Variants in ATG5 observed in about 807,000 individuals in gnomAD.
ATG5 encodes the protein autophagy related 5.
In ATG5, 14 loss-of-function variants were observed where a neutral mutation model predicts 36.5. The ratio of observed to expected loss-of-function variants is 0.38; its 90% CI spans 0.25 to 0.60. ATG5 has a LOEUF of 0.60. ATG5 is among the 20% of genes least tolerant of loss of function. The probability of loss-of-function intolerance (pLI) is 0.60; values close to 1 mark genes in which losing one functional copy is unlikely to be tolerated. For missense variants in ATG5, 195 were observed against 326.7 expected (o/e 0.60, Z 3.11); for synonymous variants, 95 against 101.5 (o/e 0.94, Z 0.38).
intron 1 of ATG5, among the ~76,000 whole-genome samples, chr6:106,317,472 G>T (rs893288414): frequency 6.6e-6 from 1 of 152,130 alleles, no homozygotes; most frequent in Non-Finnish European, 1.5e-5. Flanking sequence ...GAAAGAAAAA[G>T]TTGGAGGTCA....
intron 4 of ATG5, among the ~76,000 whole-genome samples, chr6:106,286,690 A>G (rs1303820406): frequency 6.6e-6 from 1 of 152,238 alleles, no homozygotes; most frequent in Non-Finnish European, 1.5e-5. Context: ...TCTTACTACC[A>G]GACTACCTCT....
intron 4 of ATG5, among the ~76,000 whole-genome samples, chr6:106,282,149 C>A (rs1779908045): frequency 6.6e-6 from 1 of 152,208 alleles, no homozygotes; most frequent in Non-Finnish European, 1.5e-5. Flanking sequence ...CATGTGCACA[C>A]CTCCAAAATG....
intron 1 of ATG5, among the ~76,000 whole-genome samples, chr6:106,319,857 G>C (rs1198082870): frequency 6.6e-6 from 1 of 152,166 alleles, no homozygotes; most frequent in Non-Finnish European, 1.5e-5. Flanking sequence ...ATTTGAATTT[G>C]TTGGAAAGAC....
chr6:106,199,388 T>C (rs1391485975), intron 7 of ATG5, among the ~76,000 whole-genome samples: 1 of 152,172 alleles, frequency 6.6e-6, no homozygotes, highest in Non-Finnish European at 1.5e-5. Context: ...TATTCACCAA[T>C]CAAACTATGG....
At chr6:106,302,040 C>T (rs1331535898) in intron 3 of ATG5, among the ~76,000 whole-genome samples, 2 of 151,782 alleles carry the variant, frequency 1.3e-5, no homozygotes, top group African/African-American at 4.8e-5. Flanking sequence ...TATAACATGA[C>T]AAGAATATAG....
intron 6 of ATG5, among the ~76,000 whole-genome samples, chr6:106,224,065 G>T (rs541607148): frequency 1.1e-4 from 17 of 152,338 alleles, no homozygotes; most frequent in South Asian, 6.2e-4. Context: ...CATATGTGAA[G>T]AAATCAAGGA....
chr6:106,248,089 GCTTCA>G (rs1215711683), intron 6 of ATG5, 56 bp downstream of exon 6: 1 of 1,269,450 alleles, frequency 7.9e-7, no homozygotes. Context: ...ACACTAGAGT[GCTTCA>G]ATTAAGATGT....
chr6:106,268,464 G>A (rs769485588), intron 5 of ATG5, among the ~76,000 whole-genome samples: 3 of 152,184 alleles, frequency 2.0e-5, no homozygotes, highest in Non-Finnish European at 4.4e-5. Flanking sequence ...GTGGAACAGT[G>A]TGGCAATTCC....
chr6:106,206,080 G>A (rs1374572183), intron 6 of ATG5, among the ~76,000 whole-genome samples: 2 of 152,150 alleles, frequency 1.3e-5, no homozygotes, highest in Non-Finnish European at 2.9e-5. Context: ...TCTATCATCT[G>A]AATGCGTCCC....
intron 7 of ATG5, among the ~76,000 whole-genome samples, chr6:106,198,461 A>G (rs1399042452): frequency 6.6e-6 from 1 of 152,204 alleles, no homozygotes; most frequent in African/African-American, 2.4e-5. Flanking sequence ...ACCAAAATTA[A>G]ATGCTTTTAT....
chr6:106,276,743 A>ATC (rs1779673089), intron 5 of ATG5, among the ~76,000 whole-genome samples: 1 of 151,964 alleles, frequency 6.6e-6, no homozygotes, highest in Non-Finnish European at 1.5e-5. Context: ...TGTGAAGTTA[A>ATC]CTCAAATCCT....
At chr6:106,254,598 C>T (rs1033508802) in intron 5 of ATG5, among the ~76,000 whole-genome samples, 1 of 152,178 alleles carries the variant, frequency 6.6e-6, no homozygotes, top group Non-Finnish European at 1.5e-5. Flanking sequence ...GGGTTTGTTT[C>T]CCAGCTTTGT....
At chr6:106,256,314 T>C (rs1226756078) in intron 5 of ATG5, among the ~76,000 whole-genome samples, 1 of 152,206 alleles carries the variant, frequency 6.6e-6, no homozygotes, top group Non-Finnish European at 1.5e-5. Flanking sequence ...AGATGCAGTA[T>C]GCAATGCAAC....
intron 7 of ATG5, among the ~76,000 whole-genome samples, chr6:106,191,810 G>C (rs1775975132): frequency 6.6e-6 from 1 of 152,060 alleles, no homozygotes; most frequent in Admixed American, 6.6e-5. Flanking sequence ...GTAACAAAAA[G>C]TAAAGAGCGA....
chr6:106,188,951 G>A (rs989957806), intron 7 of ATG5, among the ~76,000 whole-genome samples: 1 of 152,164 alleles, frequency 6.6e-6, no homozygotes, highest in Non-Finnish European at 1.5e-5. Context: ...ATTTTAAACA[G>A]AGGGATTCTT....
chr6:106,240,362 TATAAA>T (rs1778072114), intron 6 of ATG5, among the ~76,000 whole-genome samples: 1 of 148,248 alleles, frequency 6.7e-6, no homozygotes, highest in Admixed American at 6.7e-5. Flanking sequence ...GATATTATAA[TATAAA>T]ATATCTATAA....
intron 6 of ATG5, among the ~76,000 whole-genome samples, chr6:106,240,730 T>TA (rs956599180): frequency 4.6e-5 from 7 of 151,480 alleles, no homozygotes; most frequent in Non-Finnish European, 8.8e-5. Flanking sequence ...TTCCATACCT[T>TA]AAAAAAAATA....
At chr6:106,213,532 A>AT (rs554648339) in intron 6 of ATG5, among the ~76,000 whole-genome samples, 9 of 151,838 alleles carry the variant, frequency 5.9e-5, no homozygotes, top group South Asian at 2.1e-4. Context: ...TGAAATACAT[A>AT]TTTTTTTTTA....
At chr6:106,254,915 C>A (rs780614593) in intron 5 of ATG5, among the ~76,000 whole-genome samples, 33 of 152,220 alleles carry the variant, frequency 2.2e-4, no homozygotes, top group Non-Finnish European at 3.8e-4. Flanking sequence ...AATTGAGCAG[C>A]CTTTGCTAGC....
Sources: allele counts gnomAD v4.1 joint callset (sites outside exome capture counted in the v4.1 genomes callset), GRCh38; gene constraint gnomAD v4.1.1; transcripts MANE v1.5; gene names NCBI Gene and HGNC (gene_info 2026-07-23, HGNC 2026-07-21).